Variants in COX4I2 observed in about 807,000 individuals in gnomAD.
COX4I2 encodes the protein cytochrome c oxidase subunit 4 isoform 2, mitochondrial.
In COX4I2, 15 loss-of-function variants were observed where a neutral mutation model predicts 20.8. The observed-to-expected ratio is 0.72, with a 90% CI of 0.48 to 1.11. The LOEUF (loss-of-function observed/expected upper bound fraction) is 1.11. Among genes scored for constraint, COX4I2 ranks in the 50% most tolerant of loss-of-function variants. COX4I2 has a pLI of 0.00. For missense variants in COX4I2, 224 were observed against 223.0 expected (o/e 1.00, Z -0.03); for synonymous variants, 80 against 78.1 (o/e 1.02, Z -0.13).
chr20:31,644,666 C>T (rs928546653), intron 4 of COX4I2, 102 bp from the exon 5 acceptor site: 25 of 1,355,902 alleles, frequency 1.8e-5, no homozygotes, highest in South Asian at 9.5e-5. Context: ...TATCTTGTAC[C>T]GTCAGCCTTG....
chr20:31,642,471 G>A (rs1164773087), intron 3 of COX4I2, among the ~76,000 whole-genome samples: 4 of 113,986 alleles, frequency 3.5e-5, no homozygotes, highest in African/African-American at 1.1e-4. Flanking sequence ...ACAGAGTCTC[G>A]CTCTGTCGCC....
At chr20:31,638,664 A>G (rs576999697) in intron 1 of COX4I2, among the ~76,000 whole-genome samples, 2 of 152,134 alleles carry the variant, frequency 1.3e-5, no homozygotes, top group Admixed American at 1.3e-4. Flanking sequence ...CTGGGGAGCA[A>G]ACAAGTGAGC....
At chr20:31,640,347 CG>C (rs1600719035) in intron 3 of COX4I2, among the ~76,000 whole-genome samples, 1 of 152,178 alleles carries the variant, frequency 6.6e-6, no homozygotes, top group African/African-American at 2.4e-5. Context: ...ATGGTGCCCC[CG>C]GTCCCGTGGG....
Position 31,639,274 on chromosome 20 carries a change from G to A in COX4I2, c.82+175G>A, listed in dbSNP as rs114742819. ...GTCAAGTTTCTCCAGGAAATGGAGT[G>A]CGCGGGGTGAGCAGACAGTGGTCAT... On this transcript the variant is annotated intron_variant, in intron 2 of 4. Transcript: ENST00000376075. 2,379 of 985,342 alleles carry A rather than the reference G, an allele frequency of 2.4e-3. 36 individuals are homozygous for A. In the African/African-American group the frequency reaches 0.039, roughly 16 times the overall value. The allele number at this position is 985,342 out of a possible 1,614,324, so 61.0% of individuals were successfully genotyped here. A position where few individuals can be genotyped will look rare whatever the true frequency, so the allele number is the denominator to read the frequency against.
At chr20:31,640,948 T>TACA (rs1366903823) in intron 3 of COX4I2, among the ~76,000 whole-genome samples, 3 of 133,840 alleles carry the variant, frequency 2.2e-5, no homozygotes, top group South Asian at 4.7e-4. Flanking sequence ...TCTCTCTCTC[T>TACA]CTTTCTACAC....
At chr20:31,638,535 G>A (rs1253322567) in intron 1 of COX4I2, among the ~76,000 whole-genome samples, 1 of 151,792 alleles carries the variant, frequency 6.6e-6, no homozygotes, top group Non-Finnish European at 1.5e-5. Flanking sequence ...GCCAATTAGG[G>A]GGGAAGGGGT....
At chr20:31,639,163 G>T (rs2060452430) in intron 2 of COX4I2, 64 bp downstream of exon 2, 1 of 1,555,122 alleles carries the variant, frequency 6.4e-7, no homozygotes, top group South Asian at 1.2e-5. Flanking sequence ...CCCCTCTGCA[G>T]GCTGCCCCCT....
intron 3 of COX4I2, among the ~76,000 whole-genome samples, chr20:31,640,956 C>A (rs1195898861): frequency 1.2e-5 from 1 of 81,714 alleles, no homozygotes; most frequent in South Asian, 3.5e-4. Context: ...TCTCTTTCTA[C>A]ACACACACAC....
At chr20:31,642,820 A>G (rs187876105) in intron 3 of COX4I2, among the ~76,000 whole-genome samples, 44 of 152,176 alleles carry the variant, frequency 2.9e-4, no homozygotes, top group Middle Eastern at 6.8e-3. Flanking sequence ...GGACTGAAGC[A>G]ATCCACCCGT....
In COX4I2 at chr20:31,639,960, AC is replaced by A; in HGVS notation, c.111del (p.Tyr37Ter). 1 of 1,614,060 alleles carries A rather than the reference AC, an allele frequency of 6.2e-7. No individual in the cohort carries two copies. The highest frequency in any genetic ancestry group is 8.5e-7 in the Non-Finnish European group (1 of 1,180,006). On this transcript the variant is annotated frameshift_variant, in exon 3 of 5. Coordinates refer to ENST00000376075, the MANE Select transcript of COX4I2 (RefSeq NM_032609.3). LOFTEE classifies it high-confidence loss of function. ...TTRGGGKMSPYTNCYAQRYYP... is the reference protein window; with the variant it reads ...TTRGGGKMSPXTNCYAQRYYP... The stretch of plus-strand genomic sequence containing the variant: ...CGTGGTGGGGGGAAGATGTCCCCCT[AC>A]ACCAACTGCTATGCCCAGCGCTACT...
At chr20:31,638,470 G>A (rs1168082430) in intron 1 of COX4I2, among the ~76,000 whole-genome samples, 1 of 196 alleles carries the variant, frequency 5.1e-3, no homozygotes, top group East Asian at 0.045. Context: ...GACTGGCTAA[G>A]CCCAGTCCCC....
At chr20:31,641,503 C>T (rs567763009) in intron 3 of COX4I2, among the ~76,000 whole-genome samples, 4 of 152,386 alleles carry the variant, frequency 2.6e-5, no homozygotes, top group South Asian at 4.1e-4. Flanking sequence ...CTCTCGTTAG[C>T]TCACATTTGA....
At chr20:31,643,591 GC>G in intron 4 of COX4I2, 56 bp downstream of exon 4, 1 of 1,607,406 alleles carries the variant, frequency 6.2e-7, no homozygotes. Context: ...TGTGGTCACG[GC>G]CACCAGACAG....
At chr20:31,640,628 C>G (rs557860720) in intron 3 of COX4I2, among the ~76,000 whole-genome samples, 1 of 152,182 alleles carries the variant, frequency 6.6e-6, no homozygotes, top group Admixed American at 6.5e-5. Flanking sequence ...GAGGAGCCCT[C>G]TGACCCTGGG....
rs1188206510 is a variant in COX4I2, at chr20:31,643,454, A to G, written c.298A>G (p.Asn100Asp). 6.2e-7 allele frequency: 1 copy of G among 1,614,164 alleles called. No individual in the cohort carries two copies. Residue 100 changes from asparagine to aspartate, a missense_variant, in exon 4 of 5, where the codon AAT becomes GAT. Transcript: ENST00000376075. ...CTTTGCGGAGATGAACCGTCGCTCC[A>G]ATGAGTGGAAGACAGTGATGGGTTG... is the stretch of plus-strand genomic sequence containing the variant. ...ETFAEMNRRSNEWKTVMGCVF... is the reference protein window; with the variant it reads ...ETFAEMNRRSDEWKTVMGCVF...
chr20:31,643,876 G>GTA (rs1227237789), intron 4 of COX4I2, among the ~76,000 whole-genome samples: 1 of 152,130 alleles, frequency 6.6e-6, no homozygotes, highest in Non-Finnish European at 1.5e-5. Context: ...GTTTTTCAGT[G>GTA]TATATATATA....
intron 1 of COX4I2, 123 bp from the exon 2 acceptor site, chr20:31,638,895 T>C: frequency 9.4e-7 from 1 of 1,066,792 alleles, no homozygotes; most frequent in South Asian, 1.4e-5. Context: ...AGGGTGACCT[T>C]GAAACACTGG....
In COX4I2 at chr20:31,637,989, C is replaced by T. The variant is rs6088855; in HGVS notation, c.-1+27C>T. The T allele has an allele frequency of 0.29, 43,350 of 152,102 alleles. 7,997 individuals are homozygous for T. The highest frequency in any genetic ancestry group is 0.52 in the African/African-American group (21,515 of 41,480). The allele number at this position is 152,102 out of a possible 1,614,324, so 9.4% of individuals were successfully genotyped here. On this transcript the variant is annotated intron_variant, in intron 1 of 4. Coordinates refer to ENST00000376075, the MANE Select transcript of COX4I2 (RefSeq NM_032609.3). The stretch of plus-strand genomic sequence containing the variant: ...TGAGTGAGTTGGGGGAGGACCCCGC[C>T]ACCCAAGCCCGCGCGGGTCAGGGGC...
chr20:31,640,947 C>T (rs1027006557), intron 3 of COX4I2, among the ~76,000 whole-genome samples: 4 of 135,570 alleles, frequency 3.0e-5, no homozygotes, highest in Admixed American at 2.4e-4. Context: ...CTCTCTCTCT[C>T]TCTTTCTACA....
Sources: allele counts gnomAD v4.1 joint callset (sites outside exome capture counted in the v4.1 genomes callset), GRCh38; gene constraint gnomAD v4.1.1; transcripts MANE v1.5; gene names NCBI Gene and HGNC (gene_info 2026-07-23, HGNC 2026-07-21).